FOXN3: variants seen among roughly 807,000 people sequenced by gnomAD.
FOXN3 encodes forkhead box N3.
Under a neutral mutation model 38.4 loss-of-function variants are expected in FOXN3, and 7 were observed. The ratio of observed to expected loss-of-function variants is 0.18; its 90% CI spans 0.10 to 0.34. FOXN3 has a LOEUF of 0.34. Among genes scored for constraint, FOXN3 ranks in the 10% least tolerant of loss-of-function variants. The pLI is 1.00. For synonymous variants in FOXN3, 230 were observed against 242.2 expected (o/e 0.95, Z 0.47); for missense variants, 456 against 613.4 (o/e 0.74, Z 2.71).
intron 3 of FOXN3, among the ~76,000 whole-genome samples, chr14:89,316,025 T>C (rs1887708382): frequency 6.6e-6 from 1 of 152,182 alleles, no homozygotes; most frequent in Non-Finnish European, 1.5e-5. Flanking sequence ...ATGACAATCA[T>C]GCTTTCCTGT....
chr14:89,563,589 G>T (rs1000729851), intron 1 of FOXN3, among the ~76,000 whole-genome samples: 1 of 152,198 alleles, frequency 6.6e-6, no homozygotes, highest in Non-Finnish European at 1.5e-5. Flanking sequence ...GAAGGGTGAT[G>T]CATGCGAGCC....
chr14:89,250,756 G>A (rs896004128), intron 4 of FOXN3, among the ~76,000 whole-genome samples: 1 of 152,222 alleles, frequency 6.6e-6, no homozygotes, highest in African/African-American at 2.4e-5. Context: ...GAGAGACCTG[G>A]TGGGAGGTAA....
At chr14:89,502,669 A>G (rs78582562) in intron 1 of FOXN3, among the ~76,000 whole-genome samples, 5,425 of 152,252 alleles carry the variant, frequency 0.036, 307 homozygotes, top group African/African-American at 0.12. Flanking sequence ...TTGAAGATGT[A>G]CAGTGTATAA....
At chr14:89,363,963 T>TATATATATATATAAA (rs1890013920) in intron 2 of FOXN3, among the ~76,000 whole-genome samples, 1 of 27,084 alleles carries the variant, frequency 3.7e-5, no homozygotes, top group Non-Finnish European at 8.7e-5. Flanking sequence ...TATATATATA[T>TATATATATATATAAA]ATATATATAT....
chr14:89,461,251 C>T (rs959646758), intron 1 of FOXN3, among the ~76,000 whole-genome samples: 3 of 151,722 alleles, frequency 2.0e-5, no homozygotes, highest in African/African-American at 4.8e-5. Context: ...GCAGGAGAAT[C>T]GCTTGAACCT....
intron 4 of FOXN3, among the ~76,000 whole-genome samples, chr14:89,189,217 C>T (rs74076961): frequency 1.0e-3 from 155 of 152,226 alleles, no homozygotes; most frequent in African/African-American, 3.6e-3. Context: ...TGACGGATGG[C>T]CTGGAACTCC....
Position 89,527,333 on chromosome 14 carries a change from A to G in FOXN3, c.-15+91695T>C, listed in dbSNP as rs185825922. Among the ~76,000 whole-genome samples, 4 of 152,392 alleles carry G rather than the reference A, an allele frequency of 2.6e-5. No homozygotes were observed. The East Asian group carries it at 7.7e-4, about 29-fold the overall frequency. On this transcript the variant is annotated intron_variant, in intron 1 of 6. Transcript: ENST00000345097. ...ATCTTGCATTAGGCAAATACCTGTTAGATATAATGCCAAAAGTGCAATCCA... is the reference window on the plus strand; with the variant it reads ...ATCTTGCATTAGGCAAATACCTGTTGGATATAATGCCAAAAGTGCAATCCA...
chr14:89,323,470 C>T (rs1239441022), intron 3 of FOXN3, among the ~76,000 whole-genome samples: 1 of 151,962 alleles, frequency 6.6e-6, no homozygotes, highest in Non-Finnish European at 1.5e-5. Flanking sequence ...CCTGTAATCC[C>T]AGCACTTTGG....
intron 4 of FOXN3, among the ~76,000 whole-genome samples, chr14:89,194,874 CATAT>C (rs558656720): frequency 6.6e-6 from 1 of 152,056 alleles, no homozygotes; most frequent in Non-Finnish European, 1.5e-5. Flanking sequence ...GACACACACA[CATAT>C]ATATACGTAC....
chr14:89,168,965 A>C (rs1887316255), intron 5 of FOXN3, among the ~76,000 whole-genome samples: 2 of 152,262 alleles, frequency 1.3e-5, no homozygotes, highest in South Asian at 4.1e-4. Flanking sequence ...CTGTCGATCT[A>C]GAATTTTATA....
At chr14:89,454,229 A>G (rs1405524271) in intron 1 of FOXN3, among the ~76,000 whole-genome samples, 1 of 152,166 alleles carries the variant, frequency 6.6e-6, no homozygotes, top group Non-Finnish European at 1.5e-5. Context: ...GCTTGAATCC[A>G]GGAGGCGGAG....
intron 1 of FOXN3, among the ~76,000 whole-genome samples, chr14:89,455,420 AG>A (rs1316635994): frequency 9.2e-5 from 14 of 152,368 alleles, no homozygotes; most frequent in African/African-American, 3.1e-4. Flanking sequence ...GGGCTGGTAC[AG>A]GAACAGGGAA....
chr14:89,163,112 G>A lies in FOXN3; in HGVS notation c.852-143C>T, dbSNP rs2139774549. ...ATGGAGCCACTCGCAAACTGTGGGG[G>A]CAACAGGTGGATCTGCTTTGAAGGC... On this transcript the variant is annotated intron_variant, in intron 5 of 5. Transcript: ENST00000557258. The surrounding 1 kb of genome is among the most constrained non-coding windows in gnomAD (Gnocchi z 4.3). 1.4e-6 allele frequency: 1 copy of A among 708,336 alleles called. No individual in the cohort carries two copies. The allele number at this position is 708,336 out of a possible 1,614,324, so 43.9% of individuals were successfully genotyped here.
At chr14:89,220,225 C>A (rs1884422231) in intron 4 of FOXN3, among the ~76,000 whole-genome samples, 1 of 152,166 alleles carries the variant, frequency 6.6e-6, no homozygotes, top group Non-Finnish European at 1.5e-5. Flanking sequence ...AGTGGCAGAG[C>A]AGTTGAGGAT....
intron 2 of FOXN3, among the ~76,000 whole-genome samples, chr14:89,358,770 T>C (rs1356046782): frequency 6.6e-6 from 1 of 152,232 alleles, no homozygotes; most frequent in African/African-American, 2.4e-5. Context: ...AAACACATTA[T>C]TGTGCTTTCA....
At chr14:89,239,516 A>C (rs928591876) in intron 4 of FOXN3, among the ~76,000 whole-genome samples, 3 of 152,206 alleles carry the variant, frequency 2.0e-5, no homozygotes, top group African/African-American at 7.2e-5. Flanking sequence ...CTGAAAGAAA[A>C]TTATAGAGTC....
chr14:89,579,437 T>C (rs999675099), intron 1 of FOXN3, among the ~76,000 whole-genome samples: 32 of 152,192 alleles, frequency 2.1e-4, no homozygotes, highest in Non-Finnish European at 3.8e-4. Context: ...ATTACAGGCA[T>C]CAGCCACTGT....
At position 89,449,551 on chromosome 14, in the gene FOXN3, T is replaced by G. The variant is rs1192699646; in HGVS notation, c.-14-37061A>C. ...AGGACTGAGAAATAAACACAGAAGT[T>G]CTGAAGTCCATGTTTCCAGTTTTCT... is the stretch of plus-strand genomic sequence containing the variant. On this transcript the variant is annotated intron_variant, in intron 1 of 6. Transcript: ENST00000345097. Among the ~76,000 whole-genome samples, 3 of 152,344 alleles carry G rather than the reference T, an allele frequency of 2.0e-5. No homozygotes were observed. In the East Asian group the frequency reaches 5.8e-4, roughly 29 times the overall value.
chr14:89,269,244 C>T (rs1317483451), intron 4 of FOXN3, among the ~76,000 whole-genome samples: 1 of 152,112 alleles, frequency 6.6e-6, no homozygotes, highest in South Asian at 2.1e-4. Flanking sequence ...GAAAGAGGGG[C>T]CAACCAGTGT....
Sources: allele counts gnomAD v4.1 joint callset (sites outside exome capture counted in the v4.1 genomes callset), GRCh38; gene constraint gnomAD v4.1.1; non-coding constraint Gnocchi (gnomAD v3.1); transcripts MANE v1.5; gene names NCBI Gene and HGNC (gene_info 2026-07-23, HGNC 2026-07-21).